FGF7: variants seen among roughly 807,000 people sequenced by gnomAD.
FGF7 encodes the protein FGF-7.
In FGF7, 6 loss-of-function variants were observed where a neutral mutation model predicts 20.5. The observed-to-expected ratio is 0.29, with a 90% confidence interval of 0.16 to 0.58. The LOEUF is 0.58. Among genes scored for constraint, FGF7 ranks in the 20% least tolerant of loss-of-function variants. The pLI, the probability that FGF7 is intolerant of heterozygous loss-of-function variation, is 0.90. For missense variants in FGF7, 144 were observed against 228.8 expected (o/e 0.63, Z 2.39); for synonymous variants, 64 against 74.7 (o/e 0.86, Z 0.74).
intron 2 of FGF7, among the ~76,000 whole-genome samples, chr15:49,445,948 T>A (rs2052162133): frequency 6.6e-6 from 1 of 151,600 alleles, no homozygotes; most frequent in Non-Finnish European, 1.5e-5. Context: ...TGCCCAAGTA[T>A]CAGACTTCCC....
chr15:49,423,434 A>G lies in FGF7; in HGVS notation c.-273A>G, dbSNP rs1228075227. On this transcript the variant is annotated 5_prime_UTR_variant, in exon 1 of 4. Transcript: ENST00000267843. ...TCTTATATATCCAGCTGTTAGCAAC[A>G]AAACAAGTAAGTTACTGTTATTTGT... The G allele has an allele frequency of 6.6e-6, 1 of 152,210 alleles. No homozygotes were observed. The highest frequency in any genetic ancestry group is 2.4e-5 in the African/African-American group (1 of 41,458). The allele number at this position is 152,210 out of a possible 1,614,324, so 9.4% of individuals were successfully genotyped here.
intron 2 of FGF7, among the ~76,000 whole-genome samples, chr15:49,465,802 G>A (rs1458555532): frequency 4.6e-5 from 7 of 152,054 alleles, no homozygotes; most frequent in Non-Finnish European, 5.9e-5. Flanking sequence ...TTAGTTTTTC[G>A]ACATTTAGTA....
At chr15:49,465,591 AAAAG>A (rs76101585) in intron 2 of FGF7, among the ~76,000 whole-genome samples, 49,049 of 151,758 alleles carry the variant, frequency 0.32, 8,590 homozygotes, top group African/African-American at 0.45. Context: ...CCAAAACCAA[AAAAG>A]AGAGACCTAT....
intron 2 of FGF7, among the ~76,000 whole-genome samples, chr15:49,427,880 C>T (rs2050261865): frequency 6.6e-6 from 1 of 151,930 alleles, no homozygotes; most frequent in South Asian, 2.1e-4. Flanking sequence ...GTGGATGTGA[C>T]TGCTCATGTC....
At chr15:49,479,598 TG>T (rs66999325) in intron 2 of FGF7, among the ~76,000 whole-genome samples, 2,910 of 114,900 alleles carry the variant, frequency 0.025, 164 homozygotes, top group East Asian at 0.12. Context: ...TTAATACCTC[TG>T]TTTTTTTTTT....
chr15:49,438,834 T>TGAGAGA (rs34026981), intron 2 of FGF7, among the ~76,000 whole-genome samples: 1 of 149,656 alleles, frequency 6.7e-6, no homozygotes, highest in Non-Finnish European at 1.5e-5. Context: ...GCTAAGCAAC[T>TGAGAGA]GAGAGAGAGA....
rs756338860 is a variant in FGF7, at chr15:49,424,248, A to C, written c.-50A>C. ...TGACCTAGGAGTAACAATCAACTCA[A>C]GATTCATTTTCATTATGTTATTCAT... On this transcript the variant is annotated 5_prime_UTR_variant, in exon 2 of 4. Coordinates refer to ENST00000267843, the MANE Select transcript of FGF7 (RefSeq NM_002009.4). The C allele has an allele frequency of 3.9e-6, 6 of 1,521,578 alleles. No individual in the cohort carries two copies. Among genetic ancestry groups the C allele is most frequent in the South Asian group, 1.2e-5 (1 of 83,868 alleles). The allele number at this position is 1,521,578 out of a possible 1,614,324, so 94.3% of individuals were successfully genotyped here.
rs887685925 is a variant in FGF7 at position 49,485,483 on chromosome 15, A to T, written c.*979A>T. The T allele has an allele frequency of 6.6e-6, 1 of 151,440 alleles. No individual in the cohort carries two copies. Among genetic ancestry groups the T allele is most frequent in the African/African-American group, 2.4e-5 (1 of 41,290 alleles). The allele number at this position is 151,440 out of a possible 1,614,324, so 9.4% of individuals were successfully genotyped here. A position where few individuals can be genotyped will look rare whatever the true frequency, so the allele number is the denominator to read the frequency against. On this transcript the variant is annotated 3_prime_UTR_variant, in exon 4 of 4. Coordinates refer to ENST00000267843, the MANE Select transcript of FGF7 (RefSeq NM_002009.4). ...AGTTTATGTTATTTATAAAAAAAAA[A>T]CCTTAATAAGCTGTATCTGTTTCAT...
At chr15:49,438,348 C>T (rs1456919654) in intron 2 of FGF7, among the ~76,000 whole-genome samples, 2 of 151,742 alleles carry the variant, frequency 1.3e-5, no homozygotes, top group Non-Finnish European at 2.9e-5. Flanking sequence ...ACCAAATCCT[C>T]TTACCAGAAC....
At chr15:49,430,065 G>A (rs1183951055) in intron 2 of FGF7, among the ~76,000 whole-genome samples, 1 of 151,868 alleles carries the variant, frequency 6.6e-6, no homozygotes, top group Non-Finnish European at 1.5e-5. Flanking sequence ...ATAAATCTCT[G>A]AATTATGCAC....
At chr15:49,481,187 CT>C (rs1391745071) in intron 2 of FGF7, among the ~76,000 whole-genome samples, 1 of 152,136 alleles carries the variant, frequency 6.6e-6, no homozygotes, top group Non-Finnish European at 1.5e-5. Context: ...TTCCATATGT[CT>C]TTTAAATATT....
intron 2 of FGF7, among the ~76,000 whole-genome samples, chr15:49,435,542 T>C (rs574398603): frequency 4.3e-4 from 65 of 151,568 alleles, no homozygotes; most frequent in Non-Finnish European, 8.3e-4. Context: ...TCCCTTCTTG[T>C]ATAAATAATG....
intron 2 of FGF7, 166 bp downstream of exon 2, chr15:49,424,749 T>C (rs2049980636): frequency 3.8e-6 from 2 of 521,344 alleles, no homozygotes; most frequent in Admixed American, 7.1e-5. Context: ...CCTAAAAATA[T>C]CTCTTTTAAC....
intron 2 of FGF7, among the ~76,000 whole-genome samples, chr15:49,480,393 T>C (rs143682116): frequency 0.011 from 1,616 of 151,842 alleles, 33 homozygotes; most frequent in African/African-American, 0.034. Context: ...TTGCAACCTC[T>C]GCCTCCCAAG....
intron 2 of FGF7, among the ~76,000 whole-genome samples, chr15:49,445,718 T>C (rs991790577): frequency 6.6e-6 from 1 of 151,580 alleles, no homozygotes; most frequent in African/African-American, 2.4e-5. Flanking sequence ...GTTCAGATGA[T>C]AATAGCTGTC....
chr15:49,454,827 T>G (rs2053124433), intron 2 of FGF7, among the ~76,000 whole-genome samples: 1 of 152,104 alleles, frequency 6.6e-6, no homozygotes, highest in Admixed American at 6.6e-5. Flanking sequence ...GCCAGGATGG[T>G]CTCGATCTCC....
intron 2 of FGF7, among the ~76,000 whole-genome samples, chr15:49,469,617 A>G (rs1269949452): frequency 6.6e-6 from 1 of 152,142 alleles, no homozygotes; most frequent in Non-Finnish European, 1.5e-5. Flanking sequence ...AAATAATTCA[A>G]TAAAGTATTT....
In FGF7 at chr15:49,443,394, G is replaced by A. The variant is rs575025162; in HGVS notation, c.286+18811G>A. On this transcript the variant is annotated intron_variant, in intron 2 of 3. Coordinates refer to ENST00000267843, the MANE Select transcript of FGF7 (RefSeq NM_002009.4). ...AACTCTGTTCAGTGATGTTTTGTTG[G>A]TGGCTTGGACCCAACTATGATAAGA... is the stretch of plus-strand genomic sequence containing the variant. Among the ~76,000 whole-genome samples the A allele has an allele frequency of 3.4e-4, 52 of 150,822 alleles. 1 individual carries two copies. Among genetic ancestry groups the A allele is most frequent in the Non-Finnish European group, 7.0e-4 (47 of 67,602 alleles).
chr15:49,431,275 G>A (rs753771957), intron 2 of FGF7, among the ~76,000 whole-genome samples: 2 of 151,772 alleles, frequency 1.3e-5, no homozygotes, highest in African/African-American at 2.4e-5. Flanking sequence ...GTGTTAAAGA[G>A]TCCCTGAATG....
Sources: gnomAD v4.1 joint callset for allele counts (sites outside exome capture counted in the v4.1 genomes callset) on GRCh38, gnomAD v4.1.1 for gene constraint, MANE v1.5 for transcripts, NCBI Gene and HGNC (gene_info 2026-07-23, HGNC 2026-07-21) for gene names.